Variants in SGMS1 observed in about 807,000 individuals in gnomAD.
The protein encoded by SGMS1 is phosphatidylcholine:ceramide cholinephosphotransferase 1.
In SGMS1, 13 loss-of-function variants were observed where a neutral mutation model predicts 46.2. The ratio of observed to expected loss-of-function variants is 0.28; its 90% CI spans 0.18 to 0.45. The LOEUF is 0.45. Among genes scored for constraint, SGMS1 ranks in the 20% least tolerant of loss-of-function variants. The probability of loss-of-function intolerance (pLI) is 1.00; values close to 1 mark genes in which losing one functional copy is unlikely to be tolerated. For synonymous variants in SGMS1, 203 were observed against 187.8 expected, an observed-to-expected ratio of 1.08 and a Z score of -0.66; for missense variants, 324 against 519.9, an observed-to-expected ratio of 0.62 and a Z score of 3.66.
At chr10:50,359,765 T>A (rs1848218027) in intron 6 of SGMS1, among the ~76,000 whole-genome samples, 4 of 152,046 alleles carry the variant, frequency 2.6e-5, no homozygotes, top group Admixed American at 2.6e-4. Context: ...ATACCAAGCC[T>A]CTGCCACAGA....
intron 6 of SGMS1, among the ~76,000 whole-genome samples, chr10:50,347,146 C>A (rs1438987704): frequency 6.6e-6 from 1 of 152,174 alleles, no homozygotes; most frequent in Non-Finnish European, 1.5e-5. Flanking sequence ...AAGTGTCTGT[C>A]TAGACTCCCC....
intron 7 of SGMS1, among the ~76,000 whole-genome samples, chr10:50,340,919 G>A (rs1847807435): frequency 6.6e-6 from 1 of 152,168 alleles, no homozygotes; most frequent in South Asian, 2.1e-4. Flanking sequence ...AAGGGATCCA[G>A]GACTTTTAAA....
At chr10:50,513,279 C>G (rs1446706798) in intron 3 of SGMS1, among the ~76,000 whole-genome samples, 1 of 152,144 alleles carries the variant, frequency 6.6e-6, no homozygotes, top group Non-Finnish European at 1.5e-5. Flanking sequence ...TTTCAATGGT[C>G]CCTGGGAAAA....
In SGMS1 at chr10:50,409,629, A is replaced by T. The variant is rs377571753; in HGVS notation, c.-232+23847T>A. Among the ~76,000 whole-genome samples, 47 of 152,236 alleles carry T rather than the reference A, an allele frequency of 3.1e-4. No individual in the cohort carries two copies. The East Asian group carries it at 3.3e-3, about 11-fold the overall frequency. On this transcript the variant is annotated intron_variant, in intron 6 of 10. Transcript: ENST00000361781. The stretch of plus-strand genomic sequence containing the variant: ...TTGGACATAATCAAAATAAATGACA[A>T]CAGATTTCTCAATTCTCCTGAGAAT...
intron 2 of SGMS1, among the ~76,000 whole-genome samples, chr10:50,551,545 A>G (rs1329451241): frequency 6.6e-6 from 1 of 151,912 alleles, no homozygotes; most frequent in Non-Finnish European, 1.5e-5. Flanking sequence ...ATAAGATATC[A>G]ATATTGGATC....
chr10:50,412,968 C>T (rs1849121573), intron 6 of SGMS1, among the ~76,000 whole-genome samples: 1 of 152,056 alleles, frequency 6.6e-6, no homozygotes, highest in African/African-American at 2.4e-5. Flanking sequence ...GATTTATCAC[C>T]TTTGGAAAAC....
intron 2 of SGMS1, among the ~76,000 whole-genome samples, chr10:50,523,113 G>A (rs1001950779): frequency 6.6e-6 from 1 of 152,140 alleles, no homozygotes; most frequent in Admixed American, 6.5e-5. Context: ...TCACAGTTCC[G>A]GATGCCTGCT....
chr10:50,582,552 A>C (rs1253442452), intron 2 of SGMS1, among the ~76,000 whole-genome samples: 2 of 152,196 alleles, frequency 1.3e-5, no homozygotes, highest in African/African-American at 4.8e-5. Flanking sequence ...TCTGAAACTC[A>C]GAATACTGGA....
chr10:50,329,953 T>C (rs551733941), intron 7 of SGMS1, among the ~76,000 whole-genome samples: 145 of 152,354 alleles, frequency 9.5e-4, no homozygotes, highest in Non-Finnish European at 1.7e-3. Flanking sequence ...AATGTATCTG[T>C]TCAATTTGAT....
intron 3 of SGMS1, among the ~76,000 whole-genome samples, chr10:50,473,123 G>C (rs534180232): frequency 1.3e-3 from 192 of 151,980 alleles, no homozygotes; most frequent in Admixed American, 1.9e-3. Context: ...AACATGTTTA[G>C]TTTAACTAAC....
chr10:50,431,288 C>A (rs530166289), intron 6 of SGMS1, among the ~76,000 whole-genome samples: 1 of 152,230 alleles, frequency 6.6e-6, no homozygotes, highest in Admixed American at 6.5e-5. Flanking sequence ...ACTATAAATA[C>A]CTTTTGTTTT....
chr10:50,624,602 G>C (rs56138205), upstream of SGMS1: 413,869 of 984,964 alleles, frequency 0.42, 88,578 homozygotes, highest in African/African-American at 0.63. Flanking sequence ...CCCGCCTGGG[G>C]CCCACCTTCC....
intron 6 of SGMS1, among the ~76,000 whole-genome samples, chr10:50,364,084 A>G (rs1213477801): frequency 6.6e-6 from 1 of 152,106 alleles, no homozygotes; most frequent in Non-Finnish European, 1.5e-5. Context: ...ATTCAATAGG[A>G]ACAATAGAAA....
chr10:50,516,634 G>A (rs1837808915), intron 3 of SGMS1, among the ~76,000 whole-genome samples: 1 of 152,126 alleles, frequency 6.6e-6, no homozygotes, highest in Non-Finnish European at 1.5e-5. Context: ...TGTTTAGCTA[G>A]CTTTCAAAAA....
At chr10:50,491,312 C>T (rs1159482991) in intron 3 of SGMS1, among the ~76,000 whole-genome samples, 13 of 152,196 alleles carry the variant, frequency 8.5e-5, no homozygotes. Context: ...ATGACAGTAT[C>T]ACTGTACTCT....
chr10:50,418,827 G>A (rs1203418), intron 6 of SGMS1, among the ~76,000 whole-genome samples: 27,635 of 152,158 alleles, frequency 0.18, 3,287 homozygotes, highest in Non-Finnish European at 0.27. Context: ...TATCATCAAT[G>A]AGGGGGCTAA....
intron 1 of SGMS1, among the ~76,000 whole-genome samples, chr10:50,615,253 C>T (rs966640483): frequency 6.6e-6 from 1 of 152,174 alleles, no homozygotes; most frequent in South Asian, 2.1e-4. Context: ...CAGGTCTTTC[C>T]GGACAAAAGC....
At chr10:50,318,099 C>T (rs1847377249) in intron 8 of SGMS1, among the ~76,000 whole-genome samples, 1 of 152,184 alleles carries the variant, frequency 6.6e-6, no homozygotes, top group Non-Finnish European at 1.5e-5. Context: ...AGCCAACTTG[C>T]CCGGCCTATA....
chr10:50,555,347 T>C (rs1838181574), intron 2 of SGMS1, among the ~76,000 whole-genome samples: 2 of 152,196 alleles, frequency 1.3e-5, no homozygotes, highest in African/African-American at 4.8e-5. Flanking sequence ...CCAAAATACA[T>C]CTGGATTGGA....
Sources: gnomAD v4.1 joint callset for allele counts (sites outside exome capture counted in the v4.1 genomes callset) on GRCh38, gnomAD v4.1.1 for gene constraint, MANE v1.5 for transcripts, NCBI Gene and HGNC (gene_info 2026-07-23, HGNC 2026-07-21) for gene names.